Variants in SPEG observed in about 807,000 individuals in gnomAD.
SPEG encodes the protein striated muscle preferentially expressed protein kinase.
SPEG carries 114 observed loss-of-function variants against 300.4 expected under a neutral mutation model. That is an observed-to-expected ratio of 0.38 (90% confidence interval 0.33 to 0.44). The LOEUF (loss-of-function observed/expected upper bound fraction) is 0.44, where lower values mean the gene tolerates loss of function less well. Among genes scored for constraint, SPEG ranks in the 20% least tolerant of loss-of-function variants. The pLI, the probability that SPEG is intolerant of heterozygous loss-of-function variation, is 1.00. For missense variants in SPEG, 4,201 were observed against 4,586.2 expected, an observed-to-expected ratio of 0.92 and a Z score of 2.43; for synonymous variants, 1,964 against 2,018.9, an observed-to-expected ratio of 0.97 and a Z score of 0.73.
Position 219,468,847 on chromosome 2 carries a change from T to A in SPEG, c.3302-12T>A. 1 of 1,609,846 alleles carries A rather than the reference T, an allele frequency of 6.2e-7. No homozygotes were observed. The highest frequency in any genetic ancestry group is 1.3e-5 in the African/African-American group (1 of 74,966). On this transcript the variant is annotated splice_polypyrimidine_tract_variant and intron_variant, in intron 11 of 40. Transcript: ENST00000312358. ...TGTGCCTGCTCTGCATTCCCACCCC[T>A]CCTTTCTGCAGGCTGCCCCATGGAG...
Position 219,479,598 on chromosome 2 carries a change from A to G in SPEG, c.5086-185A>G, listed in dbSNP as rs1692644124. ...TTACCACGCAATGGCTCCTCCCTATAATTGTGCTGTACCCTCCGGTGCATA... is the reference window on the plus strand; with the variant it reads ...TTACCACGCAATGGCTCCTCCCTATGATTGTGCTGTACCCTCCGGTGCATA... On this transcript the variant is annotated intron_variant, in intron 23 of 40. Transcript: ENST00000312358. The surrounding 1 kb of genome is among the most constrained non-coding windows in gnomAD (Gnocchi z 5.5). 6.6e-6 allele frequency among the ~76,000 whole-genome samples: 1 copy of G among 152,092 alleles called. No individual in the cohort carries two copies. Among genetic ancestry groups the G allele is most frequent in the African/African-American group, 2.4e-5 (1 of 41,408 alleles).
At chr2:219,467,033 G>A (rs1253464980) in intron 9 of SPEG, 141 bp from the exon 10 acceptor site, 46 of 1,197,838 alleles carry the variant, frequency 3.8e-5, no homozygotes, top group Non-Finnish European at 5.1e-5. Flanking sequence ...TGGCCAGGTG[G>A]GTGGGCTTTC....
intron 34 of SPEG, 50 bp from the exon 35 acceptor site, chr2:219,489,004 C>G (rs755742750): frequency 3.1e-6 from 5 of 1,608,244 alleles, no homozygotes; most frequent in Non-Finnish European, 1.7e-6. Context: ...ACCGTGGGAG[C>G]TGGGGCCACC....
intron 3 of SPEG, among the ~76,000 whole-genome samples, chr2:219,446,681 T>C (rs1222076559): frequency 6.6e-6 from 1 of 152,200 alleles, no homozygotes; most frequent in Non-Finnish European, 1.5e-5. Flanking sequence ...CCAGACACTT[T>C]GGAGGAAATA....
chr2:219,462,200 G>T (rs113865333), intron 7 of SPEG, 98 bp from the exon 8 acceptor site: 4 of 1,237,214 alleles, frequency 3.2e-6, no homozygotes, highest in Admixed American at 4.5e-5. Context: ...GCCAGTCTCA[G>T]CCTGGCTGTG....
chr2:219,467,547 C>A (rs1411273245), intron 10 of SPEG, 113 bp downstream of exon 10: 1 of 1,296,640 alleles, frequency 7.7e-7, no homozygotes, highest in Non-Finnish European at 1.1e-6. Flanking sequence ...CGAGGGGAAG[C>A]GGGGGAGGGT....
intron 6 of SPEG, 37 bp from the exon 7 acceptor site, chr2:219,461,845 G>A (rs368467633): frequency 5.6e-6 from 9 of 1,598,722 alleles, no homozygotes; most frequent in Admixed American, 1.7e-5. Context: ...CTCTCTGCTC[G>A]CCTTCCTCCC....
At position 219,467,208 on chromosome 2, in the gene SPEG, C is replaced by T. The variant is rs940756998; in HGVS notation, c.2916C>T (p.Ala972=). 1.3e-6 allele frequency: 2 copies of T among 1,592,568 alleles called. No individual in the cohort carries two copies. The highest frequency in any genetic ancestry group is 1.7e-6 in the Non-Finnish European group (2 of 1,170,392). Residue 972 remains alanine, a synonymous_variant, in exon 10 of 41, where the codon GCC becomes GCT. Transcript: ENST00000312358. ...HPESRSLAVL[A]PLQDVDVGAG... ...AAAGCCGGTCCCTGGCCGTGCTGGC[C>T]CCCCTGCAGGACGTGGACGTGGGGG...
chr2:219,473,105 G>T lies in SPEG; in HGVS notation c.4147+9G>T, dbSNP rs202033993. The stretch of plus-strand genomic sequence containing the variant: ...GCAGCTGCTGGAGCACGGTGAGCCT[G>T]GGTGCTCCTGTCGGGTGGGGGTGGG... On this transcript the variant is annotated intron_variant, in intron 16 of 40. Transcript: ENST00000312358. This position sits in a 1 kb window ranked among gnomAD's most constrained non-coding sequence, Gnocchi z 4.6. The T allele has an allele frequency of 4.2e-5, 68 of 1,612,296 alleles. No homozygotes were observed. In the East Asian group the frequency reaches 1.4e-3, roughly 32 times the overall value.
rs779905014 is a variant in SPEG, at chr2:219,472,229, G to A, written c.3838G>A (p.Val1280Met). 4.3e-6 allele frequency: 7 copies of A among 1,613,664 alleles called. No homozygotes were observed. The Admixed American group carries it at 6.7e-5, about 15-fold the overall frequency. The change falls in exon 15 of 41, where the codon GTG (valine) becomes ATG (methionine). Residue 1280 changes from valine to methionine, a missense_variant and splice_region_variant. By Grantham distance (21) the Val-to-Met change is conservative (BLOSUM62 1). This residue lies in a region of SPEG where 1,047 missense variants were observed against 1,356.8 expected (regional missense o/e 0.77). Coordinates refer to ENST00000312358, the MANE Select transcript of SPEG (RefSeq NM_005876.5). ...GACATTCGAACTGCGGCTTTCAGAT[G>A]TGGTCCCAGGCCCTCCAGATGGCGC... ...ACYAHLYVTD[V>M]VPGPPDGAPQ...
chr2:219,469,566 CA>C (rs1326343275), intron 13 of SPEG, among the ~76,000 whole-genome samples, 187 bp downstream of exon 13: 1 of 152,204 alleles, frequency 6.6e-6, no homozygotes, highest in Non-Finnish European at 1.5e-5. Context: ...ACACAGCACT[CA>C]TCTGCTGAGT....
At position 219,493,595 on chromosome 2, in the gene SPEG, T is replaced by C. The variant is rs1694156902; in HGVS notation, c.*809T>C. On this transcript the variant is annotated 3_prime_UTR_variant, in exon 41 of 41. Transcript: ENST00000312358. ...CCTCCCAGCCATCCAGCTGTCTGTCTGTCTGCCACAAGGAAATAAAAATGG... is the reference window on the plus strand; with the variant it reads ...CCTCCCAGCCATCCAGCTGTCTGTCCGTCTGCCACAAGGAAATAAAAATGG... The C allele has an allele frequency of 2.1e-6, 1 of 465,930 alleles. No individual in the cohort carries two copies. The highest frequency in any genetic ancestry group is 4.3e-6 in the Non-Finnish European group (1 of 230,898). 28.9% of individuals were successfully genotyped at this position (465,930 alleles called of 1,614,324 possible). A position where few individuals can be genotyped will look rare whatever the true frequency, so the allele number is the denominator to read the frequency against.
chr2:219,484,237 C>A lies in SPEG; in HGVS notation c.6774C>A (p.Ala2258=), dbSNP rs778709330. Residue 2258 remains alanine (A), a synonymous_variant, in exon 30 of 41, where the codon GCC becomes GCA. Transcript: ENST00000312358. ...IIQSLQLSGH[A]QGPSQGPAAP... ...AGTCCCTCCAGCTGTCAGGCCACGC[C>A]CAGGGCCCCTCGCAGGGCCCTGCCG... 1 of 1,611,806 alleles carries A rather than the reference C, an allele frequency of 6.2e-7. No individual in the cohort carries two copies. Among genetic ancestry groups the A allele is most frequent in the South Asian group, 1.1e-5 (1 of 91,080 alleles).
At chr2:219,467,558 G>A in intron 10 of SPEG, 124 bp downstream of exon 10, 2 of 1,159,760 alleles carry the variant, frequency 1.7e-6, no homozygotes, top group Non-Finnish European at 2.4e-6. Flanking sequence ...GGGGGAGGGT[G>A]GGAGCTAGTA....
rs1177713921 is a variant in SPEG, at chr2:219,458,500, A to T, written c.2441-3382A>T. Among the ~76,000 whole-genome samples the T allele has an allele frequency of 6.6e-6, 1 of 151,658 alleles. No homozygotes were observed. The highest frequency in any genetic ancestry group is 2.4e-5 in the African/African-American group (1 of 41,188). On this transcript the variant is annotated intron_variant, in intron 6 of 40. Coordinates refer to ENST00000312358, the MANE Select transcript of SPEG (RefSeq NM_005876.5). The surrounding 1 kb of genome is among the most constrained non-coding windows in gnomAD (Gnocchi z 4.2). Reference sequence around the variant, plus strand: ...GGAAATTCCGTGGGTGGGGCCCAGCACTCTATGGTCTAAGGAGCCCTCCAG... The same window carrying T: ...GGAAATTCCGTGGGTGGGGCCCAGCTCTCTATGGTCTAAGGAGCCCTCCAG...
Position 219,449,225 on chromosome 2 carries a change from C to G in SPEG, c.2067C>G (p.Arg689=). The stretch of plus-strand genomic sequence containing the variant: ...GGCCCTGGGACCGCCGAGGGGCCCG[C>G]AGCCAGGGCAAAGGTCGCCGGGCCC... ...PWGPWDRRGA[R]SQGKGRRARP... is the part of the protein sequence containing the mutation. The change falls in exon 4 of 41, where the codon CGC becomes CGG. Residue 689 remains arginine, a synonymous_variant. Coordinates refer to ENST00000312358, the MANE Select transcript of SPEG (RefSeq NM_005876.5). 7.2e-7 allele frequency: 1 copy of G among 1,393,354 alleles called. No homozygotes were observed. Among genetic ancestry groups the G allele is most frequent in the Non-Finnish European group, 9.3e-7 (1 of 1,074,422 alleles). The allele number at this position is 1,393,354 out of a possible 1,614,324, so 86.3% of individuals were successfully genotyped here.
At position 219,480,090 on chromosome 2, in the gene SPEG, A is replaced by G. The variant is rs56357558; in HGVS notation, c.5292A>G (p.Val1764=). The change falls in exon 25 of 41, where the codon GTA becomes GTG. Residue 1764 remains valine (V), a synonymous_variant. Transcript: ENST00000312358. This position sits in a 1 kb window ranked among gnomAD's most constrained non-coding sequence, Gnocchi z 5.3. ...QYCQYGTPEF[V]APEIVNQSPV... Reference sequence around the variant, plus strand: ...GCCAGTATGGCACACCTGAGTTTGTAGCACCCGAGATTGTCAATCAGAGCC... The same window carrying G: ...GCCAGTATGGCACACCTGAGTTTGTGGCACCCGAGATTGTCAATCAGAGCC... 75 of 1,613,818 alleles carry G rather than the reference A, an allele frequency of 4.6e-5. No homozygotes were observed. The highest frequency in any genetic ancestry group is 6.3e-5 in the Non-Finnish European group (74 of 1,180,018).
rs1393877578 is a variant in SPEG at position 219,473,663 on chromosome 2, G to A, written c.4271+36G>A. 3.1e-6 allele frequency: 5 copies of A among 1,613,712 alleles called. No homozygotes were observed. The highest frequency in any genetic ancestry group is 4.2e-6 in the Non-Finnish European group (5 of 1,179,830). Reference sequence around the variant, plus strand: ...TTCCCACATGTGGCAGCCCAGGTCTGGCCCAGCCTGGCCGGAATGCCCTGG... The same window carrying A: ...TTCCCACATGTGGCAGCCCAGGTCTAGCCCAGCCTGGCCGGAATGCCCTGG... On this transcript the variant is annotated intron_variant, in intron 17 of 40. Coordinates refer to ENST00000312358, the MANE Select transcript of SPEG (RefSeq NM_005876.5). This position sits in a 1 kb window ranked among gnomAD's most constrained non-coding sequence, Gnocchi z 4.6.
intron 36 of SPEG, among the ~76,000 whole-genome samples, chr2:219,490,142 C>A (rs1456327266): frequency 6.6e-6 from 1 of 152,266 alleles, no homozygotes; most frequent in East Asian, 1.9e-4. Flanking sequence ...CTTCACAACT[C>A]TGAGAGACAC....
Sources: gnomAD v4.1 joint callset for allele counts (sites outside exome capture counted in the v4.1 genomes callset) on GRCh38, gnomAD v4.1.1 for gene constraint, gnomAD v4.1.1 regional missense constraint, Gnocchi (gnomAD v3.1) non-coding constraint, MANE v1.5 for transcripts, NCBI Gene and HGNC (gene_info 2026-07-23, HGNC 2026-07-21) for gene names.